CFAP44: variants seen among roughly 807,000 people sequenced by gnomAD.
CFAP44 encodes cilia and flagella associated protein 44.
A neutral mutation model predicts 216.2 loss-of-function variants in CFAP44; 134 were observed. That is an observed-to-expected ratio of 0.62 (90% confidence interval 0.54 to 0.72). The LOEUF (loss-of-function observed/expected upper bound fraction) is 0.72, where lower values mean the gene tolerates loss of function less well. Among genes scored for constraint, CFAP44 ranks in the 30% least tolerant of loss-of-function variants. The pLI is 0.00. For synonymous variants in CFAP44, 700 were observed against 727.6 expected (o/e 0.96, Z 0.61); for missense variants, 2,035 against 2,182.1 (o/e 0.93, Z 1.34).
chr3:113,309,515 A>T (rs990646965), intron 28 of CFAP44, among the ~76,000 whole-genome samples: 2 of 151,614 alleles, frequency 1.3e-5, no homozygotes, highest in African/African-American at 4.9e-5. Flanking sequence ...TTATAATATC[A>T]TATCATATAT....
At chr3:113,421,240 C>T (rs1333569074) in intron 4 of CFAP44, among the ~76,000 whole-genome samples, 3 of 152,068 alleles carry the variant, frequency 2.0e-5, no homozygotes, top group Admixed American at 6.5e-5. Flanking sequence ...ACATGAAAAA[C>T]GCTCCACATC....
chr3:113,349,802 G>A (rs528639349), intron 22 of CFAP44, among the ~76,000 whole-genome samples: 1 of 152,266 alleles, frequency 6.6e-6, no homozygotes, highest in African/African-American at 2.4e-5. Flanking sequence ...GGACACTGGT[G>A]CAGCTTTCTC....
At chr3:113,361,368 A>G (rs1179789429) in intron 21 of CFAP44, 1 of 204,314 alleles carries the variant, frequency 4.9e-6, no homozygotes, top group African/African-American at 2.3e-5. Context: ...TGCCAACTCA[A>G]CATGTCTGTA....
intron 25 of CFAP44, 64 bp from the exon 26 acceptor site, chr3:113,330,732 G>T: frequency 6.9e-7 from 1 of 1,449,116 alleles, no homozygotes; most frequent in Non-Finnish European, 9.0e-7. Context: ...TATGGAATAT[G>T]ATCTGCTCTT....
chr3:113,324,828 T>G (rs920962773), intron 28 of CFAP44, among the ~76,000 whole-genome samples: 5 of 152,206 alleles, frequency 3.3e-5, no homozygotes, highest in African/African-American at 1.2e-4. Context: ...CCATTATTAA[T>G]AGCAAAACCC....
rs185968248 is a variant in CFAP44 at position 113,333,370 on chromosome 3, G to A, written c.3615+36C>T. 4.0e-4 allele frequency: 605 copies of A among 1,513,710 alleles called. 4 individuals carry two copies. Among genetic ancestry groups the A allele is most frequent in the Admixed American group, 2.6e-3 (123 of 47,566 alleles). 93.8% of individuals were successfully genotyped at this position (1,513,710 alleles called of 1,614,324 possible). The stretch of plus-strand genomic sequence containing the variant: ...CAGAATTTAATTAAGAACCCAGGGT[G>A]CCTTCTCCATTGTCATAAAATCTGT... On this transcript the variant is annotated intron_variant, in intron 25 of 34. Transcript: ENST00000393845.
At chr3:113,434,312 T>C (rs1023905264) in intron 1 of CFAP44, among the ~76,000 whole-genome samples, 1 of 152,066 alleles carries the variant, frequency 6.6e-6, no homozygotes, top group East Asian at 1.9e-4. Flanking sequence ...GGTCAGGAGT[T>C]GGCCAGGCAA....
At chr3:113,440,816 T>C (rs1051895568) in intron 1 of CFAP44, among the ~76,000 whole-genome samples, 1 of 152,116 alleles carries the variant, frequency 6.6e-6, no homozygotes, top group Non-Finnish European at 1.5e-5. Flanking sequence ...ACAGTCACCC[T>C]CTCTCTCTCC....
intron 1 of CFAP44, among the ~76,000 whole-genome samples, chr3:113,435,527 C>T (rs946919674): frequency 8.6e-5 from 13 of 151,838 alleles, no homozygotes; most frequent in Non-Finnish European, 7.4e-5. Context: ...ACTATAATTA[C>T]GATGGGATTT....
chr3:113,399,284 G>A (rs953019915), intron 13 of CFAP44, among the ~76,000 whole-genome samples: 2 of 152,080 alleles, frequency 1.3e-5, no homozygotes, highest in African/African-American at 2.4e-5. Flanking sequence ...GCTGTCACCC[G>A]AATCCCAACA....
At chr3:113,305,974 C>G (rs1949981810) in intron 30 of CFAP44, among the ~76,000 whole-genome samples, 1 of 151,912 alleles carries the variant, frequency 6.6e-6, no homozygotes, top group Non-Finnish European at 1.5e-5. Flanking sequence ...TTTACTTATA[C>G]AGTCATCAGA....
chr3:113,301,007 C>T (rs1194492252), intron 32 of CFAP44, among the ~76,000 whole-genome samples: 5 of 151,836 alleles, frequency 3.3e-5, no homozygotes, highest in African/African-American at 1.2e-4. Flanking sequence ...GGTATGAAAC[C>T]CTTATATTTT....
Position 113,358,790 on chromosome 3 carries a change from C to G in CFAP44, c.3020G>C (p.Trp1007Ser). The G allele has an allele frequency of 6.5e-7, 1 of 1,536,806 alleles. No homozygotes were observed. Among genetic ancestry groups the G allele is most frequent in the Non-Finnish European group, 8.7e-7 (1 of 1,146,594 alleles). ...KIQQVEKELAWEKEKHELGLM... is the reference protein window; with the variant it reads ...KIQQVEKELASEKEKHELGLM... ...GCCGAGTTCATGTTTCTCTTTTTCCCAAGCTAATTCCTTTTCCACTTGTTG... is the reference window on the plus strand; with the variant it reads ...GCCGAGTTCATGTTTCTCTTTTTCCGAAGCTAATTCCTTTTCCACTTGTTG... The change falls in exon 22 of 35, where the codon TGG becomes TCG. Residue 1007 changes from tryptophan to serine, a missense_variant. Trp to Ser is a radical substitution (Grantham distance 177). Transcript: ENST00000393845.
intron 28 of CFAP44, among the ~76,000 whole-genome samples, chr3:113,320,800 C>T (rs1424684211): frequency 6.6e-6 from 1 of 152,042 alleles, no homozygotes; most frequent in Admixed American, 6.6e-5. Flanking sequence ...AGTTTTTTCA[C>T]ATTTTTCTGC....
rs115750112 is a variant in CFAP44 at position 113,426,271 on chromosome 3, T to G, written c.260A>C (p.Gln87Pro). The change falls in exon 4 of 35, where the codon CAG becomes CCG. Residue 87 changes from glutamine (Q) to proline (P), a missense_variant. By Grantham distance (76) the Gln-to-Pro change is moderately conservative (BLOSUM62 -1). Coordinates refer to ENST00000393845, the MANE Select transcript of CFAP44 (RefSeq NM_001164496.2). ...YGDLQSTTVP[Q>P]QTPAPAVEEA... Reference sequence around the variant, plus strand: ...TTCCACAGCTGGAGCAGGGGTTTGCTGAGGTACTAAAAAAATAAAATAATT... The same window carrying G: ...TTCCACAGCTGGAGCAGGGGTTTGCGGAGGTACTAAAAAAATAAAATAATT... 1 of 1,612,980 alleles carries G rather than the reference T, an allele frequency of 6.2e-7. No individual in the cohort carries two copies. The highest frequency in any genetic ancestry group is 2.2e-5 in the East Asian group (1 of 44,870).
intron 24 of CFAP44, among the ~76,000 whole-genome samples, chr3:113,336,304 A>G (rs1190799065): frequency 6.6e-6 from 1 of 152,092 alleles, no homozygotes; most frequent in Non-Finnish European, 1.5e-5. Context: ...GATCTATAAC[A>G]TGGGTAAATC....
intron 15 of CFAP44, among the ~76,000 whole-genome samples, chr3:113,390,799 G>T (rs980041300): frequency 8.6e-5 from 13 of 152,026 alleles, no homozygotes; most frequent in Middle Eastern, 3.4e-3. Context: ...AGAAGTGAAA[G>T]ATTTCTACAA....
At chr3:113,419,959 A>G in intron 5 of CFAP44, 58 bp downstream of exon 5, 1 of 1,569,228 alleles carries the variant, frequency 6.4e-7, no homozygotes, top group East Asian at 2.2e-5. Context: ...GCTGGTCCAC[A>G]GAACAAGCAA....
chr3:113,441,390 C>T (rs973604587), intron 1 of CFAP44, 63 bp downstream of exon 1: 1 of 985,850 alleles, frequency 1.0e-6, no homozygotes, highest in South Asian at 4.7e-5. Flanking sequence ...GTTCACTGCC[C>T]TCTGAGCCAC....
Sources: gnomAD v4.1 joint callset for allele counts (sites outside exome capture counted in the v4.1 genomes callset) on GRCh38, gnomAD v4.1.1 for gene constraint, MANE v1.5 for transcripts, NCBI Gene and HGNC (gene_info 2026-07-23, HGNC 2026-07-21) for gene names.